Variants in FOXP2 observed in about 807,000 individuals in gnomAD.
FOXP2 encodes the protein forkhead box P2.
In FOXP2, 12 loss-of-function variants were observed where a neutral mutation model predicts 115.8. The ratio of observed to expected loss-of-function variants is 0.10; its 90% confidence interval spans 0.07 to 0.17. FOXP2 has a LOEUF of 0.17. Among genes scored for constraint, FOXP2 ranks in the 10% least tolerant of loss-of-function variants. The pLI, the probability that FOXP2 is intolerant of heterozygous loss-of-function variation, is 1.00. For synonymous variants in FOXP2, 328 were observed against 297.7 expected (o/e 1.10, Z -1.05); for missense variants, 629 against 843.5 (o/e 0.75, Z 3.15).
chr7:114,103,095 C>T (rs1194992903), intron 1 of FOXP2, among the ~76,000 whole-genome samples: 1 of 151,880 alleles, frequency 6.6e-6, no homozygotes, highest in Non-Finnish European at 1.5e-5. Context: ...AGTTCAGGGC[C>T]GAACAAAAAT....
At chr7:114,507,537 A>C (rs1193700187) in intron 2 of FOXP2, among the ~76,000 whole-genome samples, 2 of 151,926 alleles carry the variant, frequency 1.3e-5, no homozygotes, top group Non-Finnish European at 2.9e-5. Context: ...CAAATTAGGA[A>C]ATTAATTTTT....
chr7:114,463,063 C>T (rs1192496203), intron 2 of FOXP2: 3 of 434,030 alleles, frequency 6.9e-6, no homozygotes, highest in African/African-American at 6.2e-5. Flanking sequence ...GGGTCTTGTT[C>T]TGTTTCCCAG....
intron 2 of FOXP2, among the ~76,000 whole-genome samples, chr7:114,467,933 ACT>A (rs1795883065): frequency 6.6e-6 from 1 of 151,538 alleles, no homozygotes; most frequent in Admixed American, 6.6e-5. Flanking sequence ...TGGTTTTTAG[ACT>A]CTCTTTTTTT....
At chr7:114,554,207 T>G (rs1160586202) in intron 3 of FOXP2, among the ~76,000 whole-genome samples, 3 of 152,152 alleles carry the variant, frequency 2.0e-5, no homozygotes, top group African/African-American at 2.4e-5. Flanking sequence ...AAACATTAGA[T>G]GTATGGATTA....
chr7:114,371,228 A>G lies in FOXP2; in HGVS notation c.-10-55274A>G, dbSNP rs1015714528. ...CCTAAGTAGCTGGAACTAGAGGCAC[A>G]TGCCACCATGTCCAGCTAATTTTTT... On this transcript the variant is annotated intron_variant, in intron 2 of 17. Coordinates refer to the FOXP2 transcript ENST00000634411. 8.7e-5 allele frequency among the ~76,000 whole-genome samples: 13 copies of G among 149,482 alleles called. No homozygotes were observed. In the East Asian group the frequency reaches 2.4e-3, roughly 27 times the overall value.
At chr7:114,140,462 C>T (rs1792175437) in intron 1 of FOXP2, among the ~76,000 whole-genome samples, 1 of 151,946 alleles carries the variant, frequency 6.6e-6, no homozygotes, top group South Asian at 2.1e-4. Flanking sequence ...AGTGATGGCC[C>T]CTAGTGAGGG....
At chr7:114,289,535 A>G (rs1461681336) in intron 2 of FOXP2, among the ~76,000 whole-genome samples, 1 of 151,894 alleles carries the variant, frequency 6.6e-6, no homozygotes, top group Non-Finnish European at 1.5e-5. Context: ...ACTTTTGAGT[A>G]ACAGGATGTT....
chr7:114,300,331 G>A (rs972465389), intron 2 of FOXP2, among the ~76,000 whole-genome samples: 1 of 151,950 alleles, frequency 6.6e-6, no homozygotes, highest in African/African-American at 2.4e-5. Flanking sequence ...CAGGTGCGAA[G>A]CACTATTTAA....
At chr7:114,579,106 A>C (rs1801713453) in intron 3 of FOXP2, among the ~76,000 whole-genome samples, 2 of 152,140 alleles carry the variant, frequency 1.3e-5, no homozygotes, top group Admixed American at 1.3e-4. Context: ...AGGCTTTTCC[A>C]GTTGTTTGTT....
intron 2 of FOXP2, among the ~76,000 whole-genome samples, chr7:114,376,330 C>T (rs186164066): frequency 3.8e-4 from 58 of 152,264 alleles, no homozygotes; most frequent in African/African-American, 1.2e-3. Context: ...ATAATCTCAG[C>T]GACAATTATT....
intron 3 of FOXP2, among the ~76,000 whole-genome samples, chr7:114,589,333 AT>A (rs1246055422): frequency 1.3e-5 from 2 of 151,922 alleles, no homozygotes; most frequent in East Asian, 3.9e-4. Context: ...AATATTCTGC[AT>A]GATTGTTTAG....
intron 1 of FOXP2, among the ~76,000 whole-genome samples, chr7:114,261,380 T>C (rs1488589196): frequency 2.0e-5 from 3 of 152,212 alleles, no homozygotes; most frequent in Admixed American, 6.5e-5. Flanking sequence ...TTTATTTTTA[T>C]TGACTAATTT....
At chr7:114,553,694 TG>T (rs952177039) in intron 3 of FOXP2, among the ~76,000 whole-genome samples, 7 of 152,022 alleles carry the variant, frequency 4.6e-5, no homozygotes, top group Non-Finnish European at 7.4e-5. Context: ...GACTTCCTTT[TG>T]ATAGCTCTGA....
At chr7:114,111,293 C>G (rs1192035700) in intron 1 of FOXP2, among the ~76,000 whole-genome samples, 1 of 152,060 alleles carries the variant, frequency 6.6e-6, no homozygotes, top group African/African-American at 2.4e-5. Context: ...CTGCTGTCAC[C>G]ATTTCAGGAA....
chr7:114,137,467 CT>C (rs1792070498), intron 1 of FOXP2, among the ~76,000 whole-genome samples: 1 of 152,080 alleles, frequency 6.6e-6, no homozygotes, highest in Non-Finnish European at 1.5e-5. Flanking sequence ...TTTCAATAAA[CT>C]TGTGTTCATG....
chr7:114,548,867 T>G (rs1292108463), intron 3 of FOXP2, among the ~76,000 whole-genome samples: 1 of 152,190 alleles, frequency 6.6e-6, no homozygotes, highest in Non-Finnish European at 1.5e-5. Context: ...AAGCAAATGT[T>G]TTTTGAAGGG....
At chr7:114,449,415 T>C (rs930356122) in intron 2 of FOXP2, among the ~76,000 whole-genome samples, 1 of 152,124 alleles carries the variant, frequency 6.6e-6, no homozygotes. Context: ...ATGTAAATAA[T>C]CAGTGTAATG....
At chr7:114,160,519 A>AC (rs1792799761), upstream of FOXP2, among the ~76,000 whole-genome samples, 1 of 152,168 alleles carries the variant, frequency 6.6e-6, no homozygotes, top group South Asian at 2.1e-4. Flanking sequence ...CCCACTATAT[A>AC]CCAAGCTCTG....
intron 1 of FOXP2, among the ~76,000 whole-genome samples, chr7:114,182,518 A>C (rs1222566557): frequency 6.6e-6 from 1 of 152,042 alleles, no homozygotes; most frequent in East Asian, 1.9e-4. Flanking sequence ...TTTTCTTTCA[A>C]ATATCAAGAG....
Sources: allele counts gnomAD v4.1 joint callset (sites outside exome capture counted in the v4.1 genomes callset), GRCh38; gene constraint gnomAD v4.1.1; transcripts MANE v1.5; gene names NCBI Gene and HGNC (gene_info 2026-07-23, HGNC 2026-07-21).